The following SLC38A1 variants were observed in gnomAD, a reference collection of about 807,000 sequenced individuals.
SLC38A1 encodes sodium-coupled neutral amino acid symporter 1.
A neutral mutation model predicts 60.3 loss-of-function variants in SLC38A1; 18 were observed. That is an observed-to-expected ratio of 0.30 (90% CI 0.21 to 0.44). The LOEUF (loss-of-function observed/expected upper bound fraction) is 0.44. Ranked by LOEUF, SLC38A1 falls within the 20% of genes least tolerant of loss-of-function variation. SLC38A1 has a pLI of 1.00. For synonymous variants in SLC38A1, 196 were observed against 212.1 expected, an observed-to-expected ratio of 0.92 and a Z score of 0.66; for missense variants, 448 against 587.2, an observed-to-expected ratio of 0.76 and a Z score of 2.45.
At chr12:46,207,318 T>C in intron 7 of SLC38A1, 82 bp from the exon 8 acceptor site, 1 of 1,261,100 alleles carries the variant, frequency 7.9e-7, no homozygotes, top group Non-Finnish European at 1.1e-6. Flanking sequence ...CAGCCCGTTC[T>C]TAGACCAACT....
At position 46,197,972 on chromosome 12, in the gene SLC38A1, A is replaced by G. The variant is rs1939463267; in HGVS notation, c.1211T>C (p.Ile404Thr). ...GGGTATGAAGATCACCAACAAGTTG[A>G]TAACAACCAAGAGTATGCAGGTAAC... ...TVVTCILLVV[I>T]NLLVIFIPSM... Residue 404 changes from isoleucine (I) to threonine (T), a missense_variant, in exon 15 of 17, where the codon ATC becomes ACC. This residue lies in a region of SLC38A1 where 346 missense variants were observed against 497.5 expected (regional missense o/e 0.70). Transcript: ENST00000398637. The G allele has an allele frequency of 6.2e-7, 1 of 1,614,020 alleles. No individual in the cohort carries two copies. Among genetic ancestry groups the G allele is most frequent in the Non-Finnish European group, 8.5e-7 (1 of 1,179,998 alleles).
At chr12:46,189,117 T>G (rs751674739) in intron 16 of SLC38A1, 46 bp from the exon 17 acceptor site, 1 of 1,476,302 alleles carries the variant, frequency 6.8e-7, no homozygotes, top group Non-Finnish European at 9.5e-7. Flanking sequence ...CAGCAAAATT[T>G]TTCCACATGT....
intron 6 of SLC38A1, among the ~76,000 whole-genome samples, chr12:46,208,702 C>T (rs191341063): frequency 6.6e-6 from 1 of 152,100 alleles, no homozygotes; most frequent in East Asian, 1.9e-4. Context: ...ACTTTTAAAA[C>T]CTTGGAAGTT....
Position 46,239,865 on chromosome 12 carries a change from G to A in SLC38A1, c.-65C>T. On this transcript the variant is annotated 5_prime_UTR_variant, in exon 3 of 17. Coordinates refer to ENST00000398637, the MANE Select transcript of SLC38A1 (RefSeq NM_030674.4). ...TCTCCTGTTCTGAGTGTATTTAGAA[G>A]TAGATACCAAAATGGAAGCTTGACA... is the stretch of plus-strand genomic sequence containing the variant. 1 of 1,548,954 alleles carries A rather than the reference G, an allele frequency of 6.5e-7. No homozygotes were observed. The highest frequency in any genetic ancestry group is 8.8e-7 in the Non-Finnish European group (1 of 1,132,638).
At chr12:46,261,733 TA>T (rs1393447515) in intron 1 of SLC38A1, among the ~76,000 whole-genome samples, 1 of 152,226 alleles carries the variant, frequency 6.6e-6, no homozygotes, top group Non-Finnish European at 1.5e-5. Context: ...TATTTATCAT[TA>T]CTGTCCCAGC....
chr12:46,257,942 TAGAC>T (rs1370454925), intron 1 of SLC38A1, among the ~76,000 whole-genome samples: 1 of 152,238 alleles, frequency 6.6e-6, no homozygotes, highest in African/African-American at 2.4e-5. Flanking sequence ...GGCTACGCCA[TAGAC>T]AGAGCAGCTT....
intron 14 of SLC38A1, 112 bp from the exon 15 acceptor site, chr12:46,198,172 A>G (rs1466830551): frequency 1.7e-6 from 2 of 1,156,644 alleles, no homozygotes; most frequent in East Asian, 2.5e-5. Context: ...AATGTTTTGT[A>G]ATGCCTAGTG....
rs1335151768 is a variant in SLC38A1 at position 46,209,095 on chromosome 12, A to G, written c.347T>C (p.Ile116Thr). Residue 116 changes from isoleucine (I) to threonine (T), a missense_variant, in exon 6 of 17, where the codon ATA becomes ACA. By Grantham distance (89) the Ile-to-Thr change is moderately conservative (BLOSUM62 -1). Coordinates refer to ENST00000398637, the MANE Select transcript of SLC38A1 (RefSeq NM_030674.4). ...GATCAATAGGAGGTTTATTGAATATATAGACAGCAATGTCACTGAAGTCAA... is the reference window on the plus strand; with the variant it reads ...GATCAATAGGAGGTTTATTGAATATGTAGACAGCAATGTCACTGAAGTCAA... ...VLLTSVTLLS[I>T]YSINLLLICS... 6.2e-7 allele frequency: 1 copy of G among 1,611,566 alleles called. No individual in the cohort carries two copies. Among genetic ancestry groups the G allele is most frequent in the Non-Finnish European group, 8.5e-7 (1 of 1,178,310 alleles).
rs1490639338 is a variant in SLC38A1 at position 46,187,781 on chromosome 12, G to A, written c.*1189C>T. The A allele has an allele frequency of 9.1e-6, 1 of 110,444 alleles. No homozygotes were observed. The highest frequency in any genetic ancestry group is 3.4e-4 in the East Asian group (1 of 2,946). The allele number at this position is 110,444 out of a possible 1,614,324, so 6.8% of individuals were successfully genotyped here. A position where few individuals can be genotyped will look rare whatever the true frequency, so the allele number is the denominator to read the frequency against. On this transcript the variant is annotated 3_prime_UTR_variant, in exon 17 of 17. Coordinates refer to ENST00000398637, the MANE Select transcript of SLC38A1 (RefSeq NM_030674.4). ...GCTCTTCACAAAGACTATCTCTGAG[G>A]GTTTTTTTTTTTTTTTTTTCACAAG...
intron 5 of SLC38A1, among the ~76,000 whole-genome samples, chr12:46,218,042 T>C (rs1940491829): frequency 6.6e-6 from 1 of 152,192 alleles, no homozygotes; most frequent in South Asian, 2.1e-4. Flanking sequence ...AAAAGAAGTA[T>C]CCCAGTAAAA....
At position 46,186,181 on chromosome 12, in the gene SLC38A1, G is replaced by T. The variant is rs1938930965; in HGVS notation, c.*2789C>A. On this transcript the variant is annotated 3_prime_UTR_variant, in exon 17 of 17. Coordinates refer to ENST00000398637, the MANE Select transcript of SLC38A1 (RefSeq NM_030674.4). ...TGGAATATGATCTCCTTATACACTG[G>T]GGCTGCCTGTGCCTAAACACAGTAG... The T allele has an allele frequency of 6.6e-6, 1 of 151,986 alleles. No homozygotes were observed. Among genetic ancestry groups the T allele is most frequent in the Admixed American group, 6.6e-5 (1 of 15,260 alleles). 9.4% of individuals were successfully genotyped at this position (151,986 alleles called of 1,614,324 possible).
chr12:46,231,791 C>A (rs551472187), intron 3 of SLC38A1, among the ~76,000 whole-genome samples: 100 of 152,246 alleles, frequency 6.6e-4, no homozygotes, highest in African/African-American at 2.4e-3. Flanking sequence ...AGGTATGCAC[C>A]ACCACGCCCA....
intron 1 of SLC38A1, among the ~76,000 whole-genome samples, chr12:46,258,357 C>T (rs1355873106): frequency 2.6e-5 from 4 of 152,104 alleles, no homozygotes; most frequent in African/African-American, 9.7e-5. Flanking sequence ...AGAAGTAGTT[C>T]AGATTTTTGA....
intron 1 of SLC38A1, among the ~76,000 whole-genome samples, chr12:46,262,519 G>T (rs1337517300): frequency 1.3e-5 from 2 of 152,150 alleles, no homozygotes; most frequent in Admixed American, 1.3e-4. Flanking sequence ...AACTCATGCA[G>T]TTGAAAACAG....
At chr12:46,195,401 G>A (rs951793198) in intron 16 of SLC38A1, among the ~76,000 whole-genome samples, 15 of 152,202 alleles carry the variant, frequency 9.9e-5, no homozygotes, top group African/African-American at 3.6e-4. Flanking sequence ...GGGGGTCAGG[G>A]ACCTGCTTGG....
intron 9 of SLC38A1, among the ~76,000 whole-genome samples, chr12:46,205,546 A>G (rs920687353): frequency 6.6e-6 from 1 of 152,124 alleles, no homozygotes; most frequent in African/African-American, 2.4e-5. Flanking sequence ...CAAGCATAAA[A>G]ACAAGTAGTA....
intron 5 of SLC38A1, among the ~76,000 whole-genome samples, chr12:46,228,394 C>A (rs1940946834): frequency 6.6e-6 from 1 of 152,184 alleles, no homozygotes; most frequent in African/African-American, 2.4e-5. Flanking sequence ...CAAGGACTAT[C>A]TAGCCAGGCC....
At chr12:46,198,837 A>AGG in intron 13 of SLC38A1, 94 bp from the exon 14 acceptor site, 2 of 758,780 alleles carry the variant, frequency 2.6e-6, no homozygotes, top group Non-Finnish European at 4.4e-6. Context: ...TGTAAACTAA[A>AGG]GGGCAAGAAA....
chr12:46,223,480 C>A (rs939170585), intron 5 of SLC38A1, among the ~76,000 whole-genome samples: 3 of 142,326 alleles, frequency 2.1e-5, no homozygotes, highest in Non-Finnish European at 4.5e-5. Flanking sequence ...ACACACACAC[C>A]CCACTCATTT....
Sources: gnomAD v4.1 joint callset for allele counts (sites outside exome capture counted in the v4.1 genomes callset) on GRCh38, gnomAD v4.1.1 for gene constraint, gnomAD v4.1.1 regional missense constraint, MANE v1.5 for transcripts, NCBI Gene and HGNC (gene_info 2026-07-23, HGNC 2026-07-21) for gene names.